Variants in SLC14A2 observed in about 807,000 individuals in gnomAD.
SLC14A2 encodes the protein urea transporter 2.
A neutral mutation model predicts 104.6 loss-of-function variants in SLC14A2; 91 were observed. The observed-to-expected ratio is 0.87, with a 90% CI of 0.73 to 1.04. The LOEUF is 1.04. Among genes scored for constraint, SLC14A2 ranks in the 50% least tolerant of loss-of-function variants. The pLI is 0.00. For synonymous variants in SLC14A2, 476 were observed against 466.4 expected (o/e 1.02, Z -0.27); for missense variants, 1,189 against 1,156.0 (o/e 1.03, Z -0.41).
the SLC14A2 span, among the ~76,000 whole-genome samples, chr18:45,175,146 C>T: frequency 3.3e-5 from 5 of 152,164 alleles, no homozygotes; most frequent in Non-Finnish European, 7.3e-5. Flanking sequence ...TATACTTGCA[C>T]AGGTGCAAAA....
chr18:45,205,938 A>G, the SLC14A2 span, among the ~76,000 whole-genome samples: 1 of 152,210 alleles, frequency 6.6e-6, no homozygotes, highest in Non-Finnish European at 1.5e-5. Flanking sequence ...AAAAGAGGAG[A>G]GTAATGATTC....
At chr18:45,261,407 CTTTTAA>C (rs779311258) in intron 1 of SLC14A2, among the ~76,000 whole-genome samples, 62 of 150,000 alleles carry the variant, frequency 4.1e-4, no homozygotes, top group Middle Eastern at 3.6e-3. Context: ...TTTTTTTGTT[CTTTTAA>C]TTTTATTATT....
intron 1 of SLC14A2, among the ~76,000 whole-genome samples, chr18:45,255,758 A>G (rs2084470703): frequency 6.6e-6 from 1 of 152,096 alleles, no homozygotes; most frequent in South Asian, 2.1e-4. Flanking sequence ...GGTTTTAACT[A>G]GCAGGGGGAA....
intron 1 of SLC14A2, among the ~76,000 whole-genome samples, chr18:45,464,525 A>C (rs1429695644): frequency 6.6e-6 from 1 of 152,246 alleles, no homozygotes; most frequent in Non-Finnish European, 1.5e-5. Flanking sequence ...ACTTTTGAAA[A>C]AAAGAAGCAA....
intron 1 of SLC14A2, among the ~76,000 whole-genome samples, chr18:45,369,147 T>C (rs1456486497): frequency 6.6e-6 from 1 of 152,230 alleles, no homozygotes; most frequent in East Asian, 1.9e-4. Context: ...TTTCCCTTTA[T>C]GCACCACTCA....
chr18:45,626,966 C>G lies in SLC14A2; in HGVS notation c.340C>G (p.Leu114Val). ...CTCTCTGTCTCTTTCAGACAAGCACCTTGCCCTCCAGTTCATAGACTGGGT... is the reference window on the plus strand; with the variant it reads ...CTCTCTGTCTCTTTCAGACAAGCACGTTGCCCTCCAGTTCATAGACTGGGT... Reference protein sequence around the residue: ...EYRIWLKDKHLALQFIDWVLR... With the variant: ...EYRIWLKDKHVALQFIDWVLR... Residue 114 changes from leucine (L) to valine (V), a missense_variant, in exon 4 of 20, where the codon CTT becomes GTT. Physicochemically the swap from Leu to Val is conservative, Grantham distance 32 (BLOSUM62 1). Transcript: ENST00000255226. 1 of 1,610,420 alleles carries G rather than the reference C, an allele frequency of 6.2e-7. No homozygotes were observed. The highest frequency in any genetic ancestry group is 2.2e-5 in the East Asian group (1 of 44,830).
At chr18:45,421,764 G>T (rs183336908) in intron 1 of SLC14A2, among the ~76,000 whole-genome samples, 4 of 152,274 alleles carry the variant, frequency 2.6e-5, no homozygotes, top group Admixed American at 2.0e-4. Flanking sequence ...ACCTCTGAAG[G>T]CCTCAAAGAA....
At chr18:45,245,976 G>A (rs1302067805) in intron 1 of SLC14A2, among the ~76,000 whole-genome samples, 1 of 152,168 alleles carries the variant, frequency 6.6e-6, no homozygotes, top group Admixed American at 6.5e-5. Context: ...CAGCTTCTGT[G>A]TAGATTCTTA....
rs1270772448 is a variant in SLC14A2, at chr18:45,683,167, T to C, written c.*648T>C. The C allele has an allele frequency of 6.6e-6, 1 of 152,586 alleles. No individual in the cohort carries two copies. The highest frequency in any genetic ancestry group is 1.5e-5 in the Non-Finnish European group (1 of 68,808). The allele number at this position is 152,586 out of a possible 1,614,324, so 9.5% of individuals were successfully genotyped here. A position where few individuals can be genotyped will look rare whatever the true frequency, so the allele number is the denominator to read the frequency against. ...ACATGGTCATCACACAACTCGGTCA[T>C]TTAATATGGCAAAACACAATACCAA... On this transcript the variant is annotated 3_prime_UTR_variant, in exon 20 of 20. Transcript: ENST00000255226.
chr18:45,511,441 T>C (rs191188510), intron 2 of SLC14A2, among the ~76,000 whole-genome samples: 12 of 152,288 alleles, frequency 7.9e-5, no homozygotes, highest in Non-Finnish European at 1.5e-5. Flanking sequence ...CTAAGTCGAC[T>C]CTTACTCCTC....
At chr18:45,512,736 T>A (rs1400063393) in intron 2 of SLC14A2, among the ~76,000 whole-genome samples, 1 of 152,106 alleles carries the variant, frequency 6.6e-6, no homozygotes, top group Non-Finnish European at 1.5e-5. Context: ...GGGCACAAGA[T>A]TTACATACAT....
chr18:45,235,312 T>C (rs1200058627), intron 1 of SLC14A2, among the ~76,000 whole-genome samples: 1 of 152,202 alleles, frequency 6.6e-6, no homozygotes, highest in African/African-American at 2.4e-5. Context: ...TAATTGTGCA[T>C]ATTTATGGGA....
intron 1 of SLC14A2, among the ~76,000 whole-genome samples, chr18:45,251,255 C>T (rs2084420341): frequency 6.6e-6 from 1 of 152,184 alleles, no homozygotes; most frequent in African/African-American, 2.4e-5. Context: ...TTAGCTCTCA[C>T]TTATGAGTGA....
At chr18:45,656,434 G>A (rs1461284415) in intron 10 of SLC14A2, among the ~76,000 whole-genome samples, 4 of 152,206 alleles carry the variant, frequency 2.6e-5, no homozygotes, top group African/African-American at 9.7e-5. Context: ...AGGAATTTGA[G>A]CACAATATTC....
intron 1 of SLC14A2, among the ~76,000 whole-genome samples, chr18:45,355,900 C>G (rs2085549121): frequency 6.6e-6 from 1 of 152,050 alleles, no homozygotes; most frequent in African/African-American, 2.4e-5. Context: ...TAATCTCAAC[C>G]AAGGTATAAG....
chr18:45,559,944 G>A (rs190236353), intron 2 of SLC14A2, among the ~76,000 whole-genome samples: 114 of 152,324 alleles, frequency 7.5e-4, no homozygotes, highest in African/African-American at 2.4e-3. Context: ...GCCTTCAGGA[G>A]ATAAGGGATC....
intron 1 of SLC14A2, among the ~76,000 whole-genome samples, chr18:45,215,570 G>A (rs1425323066): frequency 6.6e-6 from 1 of 152,212 alleles, no homozygotes; most frequent in Non-Finnish European, 1.5e-5. Context: ...GAGGATATTA[G>A]TCCCCCAAGG....
chr18:45,256,709 C>A (rs1444486150), intron 1 of SLC14A2, among the ~76,000 whole-genome samples: 6 of 152,326 alleles, frequency 3.9e-5, no homozygotes, highest in East Asian at 3.9e-4. Context: ...AGGAAACTTG[C>A]TATCACCAAT....
intron 1 of SLC14A2, among the ~76,000 whole-genome samples, chr18:45,471,421 C>A (rs2087246472): frequency 1.3e-5 from 2 of 152,018 alleles, no homozygotes; most frequent in African/African-American, 4.8e-5. Flanking sequence ...GTTTGTTTTG[C>A]CTTGCTTTGT....
Sources: allele counts gnomAD v4.1 joint callset (sites outside exome capture counted in the v4.1 genomes callset), GRCh38; gene constraint gnomAD v4.1.1; transcripts MANE v1.5; gene names NCBI Gene and HGNC (gene_info 2026-07-23, HGNC 2026-07-21).